Variants in PMM2 observed in about 807,000 individuals in gnomAD.
PMM2 encodes phosphomannomutase 2.
Under a neutral mutation model 33.2 loss-of-function variants are expected in PMM2, and 35 were observed. The ratio of observed to expected loss-of-function variants is 1.06; its 90% CI spans 0.81 to 1.40. PMM2 has a LOEUF of 1.40. Ranked by LOEUF, PMM2 falls within the 40% of genes most tolerant of loss-of-function variation. The probability of loss-of-function intolerance (pLI) is 0.00; values close to 1 mark genes in which losing one functional copy is unlikely to be tolerated. For synonymous variants in PMM2, 153 were observed against 114.7 expected (o/e 1.33, Z -2.13); for missense variants, 386 against 306.0 (o/e 1.26, Z -1.95).
At chr16:8,823,646 T>G (rs2060750416) in intron 7 of PMM2, among the ~76,000 whole-genome samples, 1 of 152,164 alleles carries the variant, frequency 6.6e-6, no homozygotes, top group East Asian at 1.9e-4. Context: ...AATCTCAGGT[T>G]AGACTTTTTT....
chr16:8,839,799 C>T (rs2060877077), intron 7 of PMM2, among the ~76,000 whole-genome samples: 2 of 151,642 alleles, frequency 1.3e-5, no homozygotes, highest in South Asian at 4.2e-4. Context: ...TCCAGTGGGT[C>T]TTTGCCGAGA....
intron 5 of PMM2, among the ~76,000 whole-genome samples, 195 bp from the exon 6 acceptor site, chr16:8,811,443 C>T (rs1189391386): frequency 6.6e-6 from 1 of 152,152 alleles, no homozygotes; most frequent in Non-Finnish European, 1.5e-5. Flanking sequence ...TCACTTGTGC[C>T]TGGGAGGTTG....
intron 7 of PMM2, among the ~76,000 whole-genome samples, chr16:8,831,734 G>A (rs899644152): frequency 1.3e-5 from 2 of 152,150 alleles, no homozygotes; most frequent in East Asian, 1.9e-4. Context: ...AATGGGCTGC[G>A]GTGGGGAGAC....
intron 7 of PMM2, among the ~76,000 whole-genome samples, chr16:8,847,012 C>T (rs534780451): frequency 5.3e-5 from 8 of 152,176 alleles, no homozygotes; most frequent in Middle Eastern, 3.4e-3. Flanking sequence ...TTCAGACGTG[C>T]GCCACCATGC....
chr16:8,832,490 C>A (rs533635788), intron 7 of PMM2: 1 of 985,424 alleles, frequency 1.0e-6, no homozygotes, highest in African/African-American at 1.7e-5. Context: ...AGACTCGTGC[C>A]GTTAGGCCTC....
Position 8,848,951 on chromosome 16 carries a change from A to T in PMM2, c.*1126A>T, listed in dbSNP as rs2060947587. 1 of 152,252 alleles carries T rather than the reference A, an allele frequency of 6.6e-6. No individual in the cohort carries two copies. The highest frequency in any genetic ancestry group is 2.4e-5 in the African/African-American group (1 of 41,456). The allele number at this position is 152,252 out of a possible 1,614,324, so 9.4% of individuals were successfully genotyped here. A position where few individuals can be genotyped will look rare whatever the true frequency, so the allele number is the denominator to read the frequency against. On this transcript the variant is annotated 3_prime_UTR_variant, in exon 8 of 8. Coordinates refer to ENST00000268261, the MANE Select transcript of PMM2 (RefSeq NM_000303.3). Reference sequence around the variant, plus strand: ...CACGGTGGAAGAGAACTTTCCTAGGAAACGGTTCATGTGTCACTTTTCAGG... The same window carrying T: ...CACGGTGGAAGAGAACTTTCCTAGGTAACGGTTCATGTGTCACTTTTCAGG...
intron 7 of PMM2, among the ~76,000 whole-genome samples, chr16:8,845,811 TTA>T (rs1491030301): frequency 2.0e-5 from 3 of 151,886 alleles, no homozygotes; most frequent in Admixed American, 1.3e-4. Context: ...TTTTTTTTTT[TTA>T]ATTAGAAGAA....
chr16:8,847,854 C>G lies in PMM2; in HGVS notation c.*29C>G, dbSNP rs368411035. On this transcript the variant is annotated 3_prime_UTR_variant, in exon 8 of 8. Transcript: ENST00000268261. The stretch of plus-strand genomic sequence containing the variant: ...GGGAGCGGGAGGGGCGGGGTCCCGG[C>G]TGACAAGCCAGCATAGGGCATTCGG... The G allele has an allele frequency of 6.5e-6, 10 of 1,549,508 alleles. No individual in the cohort carries two copies. Among genetic ancestry groups the G allele is most frequent in the East Asian group, 4.5e-5 (2 of 44,580 alleles).
chr16:8,799,290 A>G (rs1437082348), intron 1 of PMM2, among the ~76,000 whole-genome samples: 1 of 152,100 alleles, frequency 6.6e-6, no homozygotes, highest in African/African-American at 2.4e-5. Context: ...TTTTCATATC[A>G]CTGAACCCTC....
intron 7 of PMM2, among the ~76,000 whole-genome samples, chr16:8,836,207 C>CA (rs1339639314): frequency 6.6e-6 from 1 of 151,892 alleles, no homozygotes; most frequent in Non-Finnish European, 1.5e-5. Context: ...ACTTACCCTC[C>CA]ACTGTGAGAG....
intron 7 of PMM2, among the ~76,000 whole-genome samples, chr16:8,841,833 G>A (rs2060892725): frequency 6.8e-6 from 1 of 146,484 alleles, no homozygotes; most frequent in Non-Finnish European, 1.5e-5. Flanking sequence ...CAGGAACAAT[G>A]GTAATTGTGG....
intron 4 of PMM2, chr16:8,806,684 T>A (rs2060650238): frequency 2.0e-6 from 1 of 490,554 alleles, no homozygotes; most frequent in African/African-American, 1.9e-5. Context: ...ATCCCAGCAC[T>A]TAGTAAGGAA....
rs200593954 is a variant in PMM2, at chr16:8,813,116, G to A, written c.639+10G>A. On this transcript the variant is annotated intron_variant, in intron 7 of 7. Coordinates refer to ENST00000268261, the MANE Select transcript of PMM2 (RefSeq NM_000303.3). The stretch of plus-strand genomic sequence containing the variant: ...AGACAAAACTATGCCAGTAAGTAGA[G>A]AAGTGTTTGTGCACCTTCATTGTTG... 96 of 1,505,362 alleles carry A rather than the reference G, an allele frequency of 6.4e-5. No homozygotes were observed. The East Asian group carries it at 6.8e-4, about 11-fold the overall frequency. The allele number at this position is 1,505,362 out of a possible 1,614,324, so 93.3% of individuals were successfully genotyped here. A position where few individuals can be genotyped will look rare whatever the true frequency, so the allele number is the denominator to read the frequency against.
Position 8,813,087 on chromosome 16 carries a change from T to G in PMM2, c.620T>G (p.Phe207Cys). 1 of 1,603,480 alleles carries G rather than the reference T, an allele frequency of 6.2e-7. No individual in the cohort carries two copies. Among genetic ancestry groups the G allele is most frequent in the East Asian group, 2.2e-5 (1 of 44,842 alleles). Residue 207 changes from phenylalanine (F) to cysteine (C), a missense_variant, in exon 7 of 8, where the codon TTT (phenylalanine) becomes TGT (cysteine). Coordinates refer to ENST00000268261, the MANE Select transcript of PMM2 (RefSeq NM_000303.3). Reference protein sequence around the residue: ...ENDGYKTIYFFGDKTMPGGND... With the variant: ...ENDGYKTIYFCGDKTMPGGND... ...GACGGTTATAAGACCATTTATTTCT[T>G]TGGAGACAAAACTATGCCAGTAAGT... is the stretch of plus-strand genomic sequence containing the variant.
intron 2 of PMM2, chr16:8,802,219 C>T (rs888410716): frequency 2.2e-6 from 1 of 459,838 alleles, no homozygotes; most frequent in African/African-American, 2.0e-5. Context: ...GACAGCCCTT[C>T]TAGCCCCAGT....
rs769839273 is a variant in PMM2 at position 8,806,363 on chromosome 16, C to G, written c.303C>G (p.Asn101Lys). 2 of 1,613,424 alleles carry G rather than the reference C, an allele frequency of 1.2e-6. No individual in the cohort carries two copies. The highest frequency in any genetic ancestry group is 1.7e-6 in the Non-Finnish European group (2 of 1,179,332). Reference protein sequence around the residue: ...LGEALIQDLINYCLSYIAKIK... With the variant: ...LGEALIQDLIKYCLSYIAKIK... ...AGGCCCTAATCCAAGATTTAATCAA[C>G]TACTGTCTGAGCTACATTGCGAAAA... The change falls in exon 4 of 8, where the codon AAC becomes AAG. Residue 101 changes from asparagine to lysine, a missense_variant. Asn to Lys is a moderately conservative substitution (Grantham distance 94). Coordinates refer to ENST00000268261, the MANE Select transcript of PMM2 (RefSeq NM_000303.3).
chr16:8,811,088 C>A lies in PMM2; in HGVS notation c.357C>A (p.Phe119Leu), dbSNP rs80338701. The A allele has an allele frequency of 3.5e-5, 55 of 1,561,744 alleles. No individual in the cohort carries two copies. Among genetic ancestry groups the A allele is most frequent in the Non-Finnish European group, 4.6e-5 (53 of 1,148,370 alleles). The change falls in exon 5 of 8, where the codon TTC becomes TTA. Residue 119 changes from phenylalanine (F) to leucine (L), a missense_variant. By Grantham distance (22) the Phe-to-Leu change is conservative (BLOSUM62 0). Coordinates refer to ENST00000268261, the MANE Select transcript of PMM2 (RefSeq NM_000303.3). ...ACCCTTTCATTCCCAGGGGTACTTT[C>A]ATTGAATTCCGAAATGGGATGTTAA... ...KIKLPKKRGT[F>L]IEFRNGMLNV...
chr16:8,832,297 G>C, intron 7 of PMM2: 3 of 985,458 alleles, frequency 3.0e-6, no homozygotes, highest in Non-Finnish European at 3.6e-6. Context: ...CTCTCTGAAA[G>C]CGGGTGGAGC....
At chr16:8,806,575 G>C (rs993339528) in intron 4 of PMM2, 168 bp downstream of exon 4, 16 of 650,166 alleles carry the variant, frequency 2.5e-5, no homozygotes, top group Non-Finnish European at 3.6e-5. Context: ...GAAAGCCTGA[G>C]AGCCGAGCTT....
Sources: gnomAD v4.1 joint callset for allele counts (sites outside exome capture counted in the v4.1 genomes callset) on GRCh38, gnomAD v4.1.1 for gene constraint, MANE v1.5 for transcripts, NCBI Gene and HGNC (gene_info 2026-07-23, HGNC 2026-07-21) for gene names.